Variants in MYO16 observed in about 807,000 individuals in gnomAD.
MYO16 encodes myosin XVI, also known as unconventional myosin-XVI.
A neutral mutation model predicts 205.3 loss-of-function variants in MYO16; 94 were observed. That is an observed-to-expected ratio of 0.46 (90% CI 0.39 to 0.54). The LOEUF (loss-of-function observed/expected upper bound fraction) is 0.54. MYO16 is among the 20% of genes least tolerant of loss of function. MYO16 has a pLI of 0.00. For missense variants in MYO16, 2,315 were observed against 2,387.5 expected, an observed-to-expected ratio of 0.97 and a Z score of 0.63; for synonymous variants, 988 against 954.0, an observed-to-expected ratio of 1.04 and a Z score of -0.66.
At chr13:109,016,907 A>G (rs986615557) in intron 22 of MYO16, among the ~76,000 whole-genome samples, 76 of 151,254 alleles carry the variant, frequency 5.0e-4, no homozygotes, top group African/African-American at 1.8e-3. Context: ...ATGGGTCTTG[A>G]CTCTTTATCC....
In MYO16 at chr13:108,945,815, TA is replaced by T. The variant is rs1445437737; in HGVS notation, c.1926-11870del. On this transcript the variant is annotated intron_variant, in intron 16 of 34. Coordinates refer to ENST00000457511, the MANE Select transcript of MYO16 (RefSeq NM_001198950.3). ...AAAAAATCTTCCTGAATTTTACTTT[TA>T]AAGATTGCCTGTAGAGTGTACACGT... Among the ~76,000 whole-genome samples the T allele has an allele frequency of 8.5e-5, 13 of 152,320 alleles. No homozygotes were observed. The East Asian group carries it at 2.3e-3, about 27-fold the overall frequency.
At chr13:108,510,339 G>A in the MYO16 span, among the ~76,000 whole-genome samples, 33 of 150,974 alleles carry the variant, frequency 2.2e-4, no homozygotes, top group Admixed American at 1.7e-3. Flanking sequence ...GGATGGTCTC[G>A]ATCTCCTGAC....
At chr13:109,064,780 A>G (rs1471284189) in intron 27 of MYO16, among the ~76,000 whole-genome samples, 8 of 152,152 alleles carry the variant, frequency 5.3e-5, no homozygotes, top group Non-Finnish European at 1.0e-4. Flanking sequence ...AAAACCAGTC[A>G]CTTGGCCAAG....
chr13:108,585,552 G>A, the MYO16 span, among the ~76,000 whole-genome samples: 1 of 152,136 alleles, frequency 6.6e-6, no homozygotes, highest in Non-Finnish European at 1.5e-5. Context: ...TTATCTCCTG[G>A]ATCTGGAAAG....
intron 20 of MYO16, among the ~76,000 whole-genome samples, chr13:108,977,041 C>T (rs1884289446): frequency 6.6e-6 from 1 of 152,144 alleles, no homozygotes; most frequent in Admixed American, 6.6e-5. Flanking sequence ...TGTAATCTTC[C>T]ACATTTTTTA....
chr13:109,191,002 T>G (rs1169593049), intron 34 of MYO16, among the ~76,000 whole-genome samples: 2 of 152,078 alleles, frequency 1.3e-5, no homozygotes, highest in East Asian at 3.9e-4. Context: ...GCGGATCATC[T>G]GTGGTCAAGA....
At chr13:109,175,198 A>T (rs1879112568) in intron 33 of MYO16, among the ~76,000 whole-genome samples, 1 of 152,190 alleles carries the variant, frequency 6.6e-6, no homozygotes, top group Non-Finnish European at 1.5e-5. Context: ...AGTGATGAGG[A>T]GGATGTCCTA....
At chr13:109,159,035 C>T (rs908441961) in intron 32 of MYO16, among the ~76,000 whole-genome samples, 1 of 152,184 alleles carries the variant, frequency 6.6e-6, no homozygotes, top group Non-Finnish European at 1.5e-5. Context: ...CCTGATATTA[C>T]AGATTGTAAA....
At chr13:108,877,367 C>T (rs978834787) in intron 12 of MYO16, among the ~76,000 whole-genome samples, 1 of 152,158 alleles carries the variant, frequency 6.6e-6, no homozygotes, top group Admixed American at 6.5e-5. Context: ...GCTCTGCCAC[C>T]AACTAGCCCT....
chr13:109,150,161 CA>C (rs1292506529), intron 32 of MYO16, among the ~76,000 whole-genome samples: 1 of 152,136 alleles, frequency 6.6e-6, no homozygotes, highest in Non-Finnish European at 1.5e-5. Flanking sequence ...ATGATTGGAA[CA>C]GGGGAAAGAC....
chr13:108,607,558 T>C (rs1452238555), intron 1 of MYO16, among the ~76,000 whole-genome samples: 3 of 152,162 alleles, frequency 2.0e-5, no homozygotes, highest in Non-Finnish European at 4.4e-5. Flanking sequence ...TCCTGAGGCC[T>C]CCCTAGCCAT....
chr13:108,684,935 T>C (rs1882613583), intron 2 of MYO16, among the ~76,000 whole-genome samples: 1 of 152,048 alleles, frequency 6.6e-6, no homozygotes, highest in Admixed American at 6.6e-5. Flanking sequence ...TTATAGTAAA[T>C]GGTAAACGTA....
chr13:108,758,773 T>G (rs767530245), intron 4 of MYO16, among the ~76,000 whole-genome samples: 1 of 152,198 alleles, frequency 6.6e-6, no homozygotes, highest in Non-Finnish European at 1.5e-5. Flanking sequence ...TAAAGAATCA[T>G]GTCATCTTAA....
chr13:108,972,351 CATATATATATATAT>C lies in MYO16; in HGVS notation c.2369+7483_2369+7496del, dbSNP rs869041443. Among the ~76,000 whole-genome samples the C allele has an allele frequency of 8.3e-3, 145 of 17,456 alleles. 17 individuals carry two copies. Among genetic ancestry groups the C allele is most frequent in the East Asian group, 0.036 (13 of 362 alleles). 11.5% of individuals were successfully genotyped at this position (17,456 alleles called of 152,430 possible). A position where few individuals can be genotyped will look rare whatever the true frequency, so the allele number is the denominator to read the frequency against. On this transcript the variant is annotated intron_variant, in intron 20 of 34. Coordinates refer to ENST00000457511, the MANE Select transcript of MYO16 (RefSeq NM_001198950.3). The stretch of plus-strand genomic sequence containing the variant: ...CCATCTATATATATATATATATAGC[CATATATATATATAT>C]ATATATATATATATATATATATATA...
At chr13:109,119,516 G>A (rs979534589) in intron 28 of MYO16, among the ~76,000 whole-genome samples, 2 of 152,144 alleles carry the variant, frequency 1.3e-5, no homozygotes, top group African/African-American at 4.8e-5. Flanking sequence ...TGCCTTCTAT[G>A]TGAGGGGTAT....
At chr13:108,686,440 T>G (rs1882679696) in intron 2 of MYO16, among the ~76,000 whole-genome samples, 1 of 152,174 alleles carries the variant, frequency 6.6e-6, no homozygotes. Context: ...CACTGAGAAC[T>G]GAGATCCAGG....
At chr13:108,992,547 T>C (rs1884871164) in intron 21 of MYO16, 99 bp downstream of exon 21, 1 of 677,706 alleles carries the variant, frequency 1.5e-6, no homozygotes, top group Non-Finnish European at 2.4e-6. Context: ...CTTACAAATA[T>C]GGAATTAAAA....
chr13:108,793,583 A>G lies in MYO16; in HGVS notation c.684A>G (p.Lys228=). ...QRPMSMLTDV[K]HFLSSGGNVN... is the part of the protein sequence containing the mutation. ...CAATGAGTATGTTAACAGATGTCAA[A>G]CACTTCTTATCATCTGGAGGAAATG... The change falls in exon 6 of 35, where the codon AAA becomes AAG. Residue 228 remains lysine (K), a synonymous_variant. Coordinates refer to ENST00000457511, the MANE Select transcript of MYO16 (RefSeq NM_001198950.3). The G allele has an allele frequency of 6.2e-7, 1 of 1,613,780 alleles. No homozygotes were observed. The highest frequency in any genetic ancestry group is 1.7e-5 in the Admixed American group (1 of 60,022).
At chr13:108,590,634 G>A in the MYO16 span, among the ~76,000 whole-genome samples, 2 of 152,098 alleles carry the variant, frequency 1.3e-5, no homozygotes, top group Non-Finnish European at 2.9e-5. Flanking sequence ...TGAGAGGAGG[G>A]GAGTTTGGAC....
Sources: gnomAD v4.1 joint callset for allele counts (sites outside exome capture counted in the v4.1 genomes callset) on GRCh38, gnomAD v4.1.1 for gene constraint, MANE v1.5 for transcripts, NCBI Gene and HGNC (gene_info 2026-07-23, HGNC 2026-07-21) for gene names.